ARHGEF10: variants seen among roughly 807,000 people sequenced by gnomAD.
ARHGEF10 encodes the protein Rho guanine nucleotide exchange factor (GEF) 10.
ARHGEF10 carries 140 observed loss-of-function variants against 147.4 expected under a neutral mutation model. The observed-to-expected ratio is 0.95, with a 90% CI of 0.83 to 1.09. The LOEUF (loss-of-function observed/expected upper bound fraction) is 1.09, where lower values mean the gene tolerates loss of function less well. ARHGEF10 is among the 50% of genes least tolerant of loss of function. ARHGEF10 has a pLI of 0.00. For missense variants in ARHGEF10, 2,222 were observed against 1,752.7 expected (o/e 1.27, Z -4.78); for synonymous variants, 902 against 695.8 (o/e 1.30, Z -4.67).
intron 1 of ARHGEF10, among the ~76,000 whole-genome samples, chr8:1,829,861 CT>C: frequency 6.6e-6 from 1 of 152,324 alleles, no homozygotes; most frequent in Middle Eastern, 3.4e-3. Context: ...GGCAGGCACC[CT>C]GCTCCTGGAA....
At chr8:1,900,461 G>A (rs1563256665) in intron 15 of ARHGEF10, among the ~76,000 whole-genome samples, 1 of 152,092 alleles carries the variant, frequency 6.6e-6, no homozygotes, top group Admixed American at 6.5e-5. Context: ...CAGATGTGCT[G>A]GGATTCTAAC....
In ARHGEF10 at chr8:1,923,529, A is replaced by G. The variant is rs1439592104; in HGVS notation, c.2321A>G (p.Lys774Arg). ...TSGLQRLILK[K>R]EDEIRAADCC... is the part of the protein sequence containing the mutation. ...GGTTTACAAAGGCTTATTTTGAAGAAAGAAGATGAAATCAGAGCTGCGGAC... is the reference window on the plus strand; with the variant it reads ...GGTTTACAAAGGCTTATTTTGAAGAGAGAAGATGAAATCAGAGCTGCGGAC... Residue 774 changes from lysine to arginine, a missense_variant, in exon 20 of 29, where the codon AAA becomes AGA. Coordinates refer to ENST00000349830, the MANE Select transcript of ARHGEF10 (RefSeq NM_014629.4). 1.2e-6 allele frequency: 2 copies of G among 1,614,140 alleles called. No individual in the cohort carries two copies. The highest frequency in any genetic ancestry group is 1.7e-6 in the Non-Finnish European group (2 of 1,180,046).
At chr8:1,894,744 A>C (rs923174322) in intron 13 of ARHGEF10, among the ~76,000 whole-genome samples, 172 bp downstream of exon 13, 5 of 152,214 alleles carry the variant, frequency 3.3e-5, no homozygotes, top group African/African-American at 1.2e-4. Context: ...GCGCTAGGGA[A>C]ATGATAAATG....
rs1330880826 is a variant in ARHGEF10 at position 1,888,342 on chromosome 8, A to T, written c.1182+2635A>T. 7.5e-5 allele frequency among the ~76,000 whole-genome samples: 8 copies of T among 106,102 alleles called. 1 individual carries two copies. The highest frequency in any genetic ancestry group is 3.1e-4 in the African/African-American group (8 of 26,222). The allele number at this position is 106,102 out of a possible 152,430, so 69.6% of individuals were successfully genotyped here. A position where few individuals can be genotyped will look rare whatever the true frequency, so the allele number is the denominator to read the frequency against. The stretch of plus-strand genomic sequence containing the variant: ...TGAGTGGGATGTTGACTGTGAGGAG[A>T]CACTGAGTGGGGTGAGGGTTGTGAG... On this transcript the variant is annotated intron_variant, in intron 11 of 28. Transcript: ENST00000349830.
chr8:1,880,479 A>G (rs914297883), intron 9 of ARHGEF10, among the ~76,000 whole-genome samples: 21 of 152,230 alleles, frequency 1.4e-4, no homozygotes, highest in Non-Finnish European at 2.2e-4. Context: ...TTTGTTTTGG[A>G]AAATACAGCA....
intron 2 of ARHGEF10, among the ~76,000 whole-genome samples, chr8:1,856,028 GT>G (rs975410801): frequency 2.6e-5 from 4 of 152,064 alleles, no homozygotes; most frequent in African/African-American, 9.7e-5. Flanking sequence ...GAAATTAGCG[GT>G]TCTGTCCATT....
At chr8:1,899,798 G>C (rs949394472) in intron 15 of ARHGEF10, among the ~76,000 whole-genome samples, 3 of 152,222 alleles carry the variant, frequency 2.0e-5, no homozygotes, top group Non-Finnish European at 2.9e-5. Context: ...GTTGGCTTCC[G>C]GCAAGCAGCC....
rs114415488 is a variant in ARHGEF10 at position 1,880,998 on chromosome 8, C to T, written c.960+834C>T. Reference sequence around the variant, plus strand: ...CCTGCAGGGTGTCTGATGGGACCTGCCGGAGGCTGCAGGCAGTGTGGCGGG... The same window carrying T: ...CCTGCAGGGTGTCTGATGGGACCTGTCGGAGGCTGCAGGCAGTGTGGCGGG... On this transcript the variant is annotated intron_variant, in intron 9 of 28. Coordinates refer to ENST00000349830, the MANE Select transcript of ARHGEF10 (RefSeq NM_014629.4). 8.7e-3 allele frequency among the ~76,000 whole-genome samples: 1,326 copies of T among 152,256 alleles called. 17 individuals are homozygous for T. Among genetic ancestry groups the T allele is most frequent in the African/African-American group, 0.03 (1,242 of 41,540 alleles).
At chr8:1,872,837 G>A (rs889832323) in intron 7 of ARHGEF10, among the ~76,000 whole-genome samples, 1 of 152,222 alleles carries the variant, frequency 6.6e-6, no homozygotes, top group African/African-American at 2.4e-5. Context: ...AGATGGAGGT[G>A]TGCCTGCTGT....
intron 11 of ARHGEF10, 140 bp downstream of exon 11, chr8:1,885,847 G>A (rs889954405): frequency 1.4e-6 from 1 of 739,818 alleles, no homozygotes; most frequent in Non-Finnish European, 2.4e-6. Flanking sequence ...GTAGGTTCCT[G>A]GCCCAGCACT....
intron 1 of ARHGEF10, among the ~76,000 whole-genome samples, chr8:1,840,871 G>T (rs970463205): frequency 2.6e-5 from 4 of 152,126 alleles, no homozygotes; most frequent in Admixed American, 6.6e-5. Context: ...TGCTGCTGGG[G>T]TGGAGAGGGT....
intron 6 of ARHGEF10, among the ~76,000 whole-genome samples, chr8:1,868,663 T>C (rs1806823878): frequency 6.6e-6 from 1 of 152,264 alleles, no homozygotes; most frequent in Non-Finnish European, 1.5e-5. Flanking sequence ...TACTACTTTT[T>C]ACTTTCAGTG....
intron 1 of ARHGEF10, among the ~76,000 whole-genome samples, chr8:1,838,578 T>C (rs1803732127): frequency 6.6e-6 from 1 of 152,280 alleles, no homozygotes; most frequent in Admixed American, 6.5e-5. Context: ...CCACGCACTC[T>C]TCAGCACAGT....
chr8:1,954,043 T>C (rs1815280458), intron 28 of ARHGEF10, among the ~76,000 whole-genome samples: 2 of 152,214 alleles, frequency 1.3e-5, no homozygotes, highest in East Asian at 1.9e-4. Context: ...ATATATGGGA[T>C]TGTACATGTT....
Position 1,828,987 on chromosome 8 carries a change from A to G in ARHGEF10, c.-48+4874A>G, listed in dbSNP as rs1002087160. Among the ~76,000 whole-genome samples the G allele has an allele frequency of 2.3e-4, 35 of 152,250 alleles. 1 individual carries two copies. The highest frequency in any genetic ancestry group is 7.0e-4 in the African/African-American group (29 of 41,464). ...GAAAAGTGAGTCCAAAGAGCATTAC[A>G]TAAGCTAGCGTGGTATTCAGTGCGT... On this transcript the variant is annotated intron_variant, in intron 1 of 28. Coordinates refer to ENST00000349830, the MANE Select transcript of ARHGEF10 (RefSeq NM_014629.4).
chr8:1,915,899 C>T (rs559891707), intron 18 of ARHGEF10, among the ~76,000 whole-genome samples: 3 of 152,318 alleles, frequency 2.0e-5, no homozygotes, highest in South Asian at 2.1e-4. Flanking sequence ...ACTTAGACGC[C>T]GATGCATCCC....
chr8:1,841,928 GGGAACTGGGGCCGCGACC>G lies in ARHGEF10; in HGVS notation c.-47-1391_-47-1374del, dbSNP rs1563161706. On this transcript the variant is annotated intron_variant, in intron 1 of 28. Transcript: ENST00000349830. ...CCGCGGCGGGAACTGGGGCCGCGGCGGGAACTGGGGCCGCGACCGGAACTGGGGCCGCGACCGGAACTG... is the reference window on the plus strand; with the variant it reads ...CCGCGGCGGGAACTGGGGCCGCGGCGGGAACTGGGGCCGCGACCGGAACTG... Among the ~76,000 whole-genome samples the G allele has an allele frequency of 2.0e-4, 14 of 70,014 alleles. 1 individual carries two copies. The highest frequency in any genetic ancestry group is 4.6e-4 in the East Asian group (1 of 2,152). The allele number at this position is 70,014 out of a possible 152,430, so 45.9% of individuals were successfully genotyped here.
At chr8:1,894,027 A>G (rs952387454) in intron 12 of ARHGEF10, among the ~76,000 whole-genome samples, 6 of 152,034 alleles carry the variant, frequency 3.9e-5, no homozygotes, top group Admixed American at 1.3e-4. Flanking sequence ...ACAAAATATT[A>G]GCCGGGTGTG....
chr8:1,838,912 A>G (rs115060308), intron 1 of ARHGEF10, among the ~76,000 whole-genome samples: 8,557 of 137,394 alleles, frequency 0.062, 363 homozygotes, highest in African/African-American at 0.13. Context: ...TGATGTGGGG[A>G]CCATCCAGTG....
Sources: gnomAD v4.1 joint callset for allele counts (sites outside exome capture counted in the v4.1 genomes callset) on GRCh38, gnomAD v4.1.1 for gene constraint, MANE v1.5 for transcripts, NCBI Gene and HGNC (gene_info 2026-07-23, HGNC 2026-07-21) for gene names.